The following CMC1 variants were observed in gnomAD, a reference collection of about 807,000 sequenced individuals.
CMC1 encodes C-X9-C motif containing 1, also known as COX assembly mitochondrial protein homolog.
Under a neutral mutation model 14.1 loss-of-function variants are expected in CMC1, and 14 were observed. That is an observed-to-expected ratio of 0.99 (90% CI 0.66 to 1.55). The LOEUF (loss-of-function observed/expected upper bound fraction) is 1.55. CMC1 is among the 40% of genes most tolerant of loss of function. The probability of loss-of-function intolerance (pLI) is 0.00; values close to 1 mark genes in which losing one functional copy is unlikely to be tolerated. For missense variants in CMC1, 127 were observed against 123.8 expected, an observed-to-expected ratio of 1.03 and a Z score of -0.12; for synonymous variants, 50 against 38.4, an observed-to-expected ratio of 1.30 and a Z score of -1.12.
In CMC1 at chr3:28,323,281, C is replaced by T. The variant is rs903790242; in HGVS notation, c.*3652C>T. The T allele has an allele frequency of 6.6e-6, 1 of 151,126 alleles. No homozygotes were observed. The allele number at this position is 151,126 out of a possible 1,614,324, so 9.4% of individuals were successfully genotyped here. A position where few individuals can be genotyped will look rare whatever the true frequency, so the allele number is the denominator to read the frequency against. On this transcript the variant is annotated 3_prime_UTR_variant, in exon 4 of 4. Coordinates refer to ENST00000466830, the MANE Select transcript of CMC1 (RefSeq NM_182523.2). ...ATTAGACTGAAATCTGTGTGATGCT[C>T]CTTCTACTACTTATTGAATAGTGTG...
chr3:28,243,816 A>G (rs935263228), intron 1 of CMC1, among the ~76,000 whole-genome samples: 2 of 152,242 alleles, frequency 1.3e-5, no homozygotes, highest in African/African-American at 4.8e-5. Flanking sequence ...CCCCCTACAC[A>G]GACACGTGCG....
At chr3:28,244,002 G>T (rs1698674726) in intron 1 of CMC1, among the ~76,000 whole-genome samples, 4 of 152,172 alleles carry the variant, frequency 2.6e-5, no homozygotes, top group Admixed American at 2.6e-4. Context: ...TGGCCATCAG[G>T]TAGCAAATAC....
At position 28,319,544 on chromosome 3, in the gene CMC1, T is replaced by A. The variant is rs1165953437; in HGVS notation, c.236T>A (p.Met79Lys). 1 of 1,606,066 alleles carries A rather than the reference T, an allele frequency of 6.2e-7. No homozygotes were observed. Among genetic ancestry groups the A allele is most frequent in the Non-Finnish European group, 8.5e-7 (1 of 1,174,934 alleles). Residue 79 changes from methionine to lysine, a missense_variant, in exon 4 of 4, where the codon ATG becomes AAG. Transcript: ENST00000466830. ...CCAGCCTTTTATGAAGAATGCAAAA[T>A]GGAATACCTGAAGGAAAGGGAAGAA... ...NDPAFYEECKMEYLKEREEFR... is the reference protein window; with the variant it reads ...NDPAFYEECKKEYLKEREEFR...
chr3:28,298,081 C>G (rs1701836464), intron 2 of CMC1: 1 of 151,748 alleles, frequency 6.6e-6, no homozygotes, highest in African/African-American at 2.4e-5. Context: ...ATGCAAATGG[C>G]TCAGCTTCCA....
chr3:28,263,480 G>A, intron 2 of CMC1, 100 bp downstream of exon 2: 3 of 701,012 alleles, frequency 4.3e-6, no homozygotes, highest in Admixed American at 3.4e-5. Flanking sequence ...GAATTAATAT[G>A]TATGAATTGC....
intron 1 of CMC1, among the ~76,000 whole-genome samples, chr3:28,252,666 T>C (rs1002672038): frequency 1.3e-5 from 2 of 152,210 alleles, no homozygotes; most frequent in Non-Finnish European, 2.9e-5. Context: ...AGCATAACTG[T>C]GGAAGCTCAT....
At chr3:28,286,651 ATCAATTTTCT>A (rs1361463324) in intron 2 of CMC1, among the ~76,000 whole-genome samples, 1 of 152,232 alleles carries the variant, frequency 6.6e-6, no homozygotes, top group Non-Finnish European at 1.5e-5. Context: ...AATGGAATAT[ATCAATTTTCT>A]TCTTTCCATT....
chr3:28,316,383 C>T lies in CMC1; in HGVS notation c.160C>T (p.Arg54Trp), dbSNP rs142252349. Residue 54 changes from arginine to tryptophan, a missense_variant, in exon 3 of 4, where the codon CGG (arginine) becomes TGG (tryptophan). Transcript: ENST00000466830. ...NSGVLMVVKC[R>W]KENSALKECL... ...TGGAGTTCTTATGGTAGTAAAATGC[C>T]GGAAAGAAAATTCTGCATTGAAAGA... is the stretch of plus-strand genomic sequence containing the variant. 27 of 1,596,390 alleles carry T rather than the reference C, an allele frequency of 1.7e-5. No homozygotes were observed. The highest frequency in any genetic ancestry group is 1.2e-4 in the Admixed American group (7 of 56,466).
At chr3:28,313,921 A>G (rs943595797) in intron 2 of CMC1, among the ~76,000 whole-genome samples, 1 of 152,208 alleles carries the variant, frequency 6.6e-6, no homozygotes, top group Non-Finnish European at 1.5e-5. Context: ...TTGGTCAACT[A>G]GTGTGTTTTC....
intron 2 of CMC1, among the ~76,000 whole-genome samples, chr3:28,289,436 A>G (rs1388024757): frequency 1.3e-5 from 2 of 152,108 alleles, no homozygotes; most frequent in Non-Finnish European, 2.9e-5. Context: ...AACATGAGAT[A>G]TTTGTAGGAC....
At chr3:28,314,877 C>A (rs562351187) in intron 2 of CMC1, 2 of 152,146 alleles carry the variant, frequency 1.3e-5, no homozygotes, top group African/African-American at 4.8e-5. Context: ...GATTATCTGT[C>A]TAAGACAATT....
At chr3:28,244,369 A>C (rs1247117219) in intron 1 of CMC1, among the ~76,000 whole-genome samples, 1 of 152,180 alleles carries the variant, frequency 6.6e-6, no homozygotes, top group African/African-American at 2.4e-5. Flanking sequence ...GATGGAAAGA[A>C]ATATACAGCG....
At chr3:28,278,049 T>TGTGTGATTGATGTGATG (rs1700678570) in intron 2 of CMC1, among the ~76,000 whole-genome samples, 1 of 152,024 alleles carries the variant, frequency 6.6e-6, no homozygotes, top group Admixed American at 6.6e-5. Flanking sequence ...TTTGTCTGAT[T>TGTGTGATTGATGTGATG]GTGTGATTGA....
chr3:28,285,737 T>C (rs2125533717), intron 2 of CMC1, among the ~76,000 whole-genome samples: 1 of 151,836 alleles, frequency 6.6e-6, no homozygotes, highest in Admixed American at 6.6e-5. Context: ...TAGTTATTAT[T>C]ATTCTGTATA....
intron 2 of CMC1, among the ~76,000 whole-genome samples, chr3:28,280,855 A>G (rs1164754490): frequency 1.3e-5 from 2 of 152,224 alleles, no homozygotes; most frequent in African/African-American, 4.8e-5. Context: ...TATTTATTCA[A>G]CAGTTGGCAA....
chr3:28,257,794 G>A (rs1653773569), intron 1 of CMC1, among the ~76,000 whole-genome samples: 1 of 152,108 alleles, frequency 6.6e-6, no homozygotes, highest in Admixed American at 6.5e-5. Flanking sequence ...TGGGACTACA[G>A]GCGTGAGTGA....
chr3:28,310,916 T>A (rs1559445156), intron 2 of CMC1, among the ~76,000 whole-genome samples: 1 of 151,872 alleles, frequency 6.6e-6, no homozygotes. Flanking sequence ...CAAGAGGGTT[T>A]GTGCTCCTAT....
chr3:28,290,165 C>T lies in CMC1; in HGVS notation c.110-26168C>T, dbSNP rs1051867882. On this transcript the variant is annotated intron_variant, in intron 2 of 3. Transcript: ENST00000466830. The stretch of plus-strand genomic sequence containing the variant: ...CCAGTTTCTGTAAGTTGTAATTTTA[C>T]ATTGTCATAATTTATAATACTTATA... Among the ~76,000 whole-genome samples, 41 of 152,126 alleles carry T rather than the reference C, an allele frequency of 2.7e-4. 1 individual carries two copies. The highest frequency in any genetic ancestry group is 2.7e-3 in the Admixed American group (41 of 15,266).
rs1703204591 is a variant in CMC1 at position 28,322,099 on chromosome 3, G to T, written c.*2470G>T. 6.6e-6 allele frequency: 1 copy of T among 150,880 alleles called. No homozygotes were observed. The highest frequency in any genetic ancestry group is 2.4e-5 in the African/African-American group (1 of 41,202). 9.3% of individuals were successfully genotyped at this position (150,880 alleles called of 1,614,324 possible). A position where few individuals can be genotyped will look rare whatever the true frequency, so the allele number is the denominator to read the frequency against. On this transcript the variant is annotated 3_prime_UTR_variant, in exon 4 of 4. Coordinates refer to ENST00000466830, the MANE Select transcript of CMC1 (RefSeq NM_182523.2). ...GTGTAGATTTAAAAGCTTCTAGCTG[G>T]GTAAAAAATTTTTGGCTAATCTTTC...
Sources: allele counts gnomAD v4.1 joint callset (sites outside exome capture counted in the v4.1 genomes callset), GRCh38; gene constraint gnomAD v4.1.1; transcripts MANE v1.5; gene names NCBI Gene and HGNC (gene_info 2026-07-23, HGNC 2026-07-21).